Variants in ATP6V1H observed in about 807,000 individuals in gnomAD.
ATP6V1H encodes V-type proton ATPase subunit H.
Under a neutral mutation model 71.7 loss-of-function variants are expected in ATP6V1H, and 39 were observed. That is an observed-to-expected ratio of 0.54 (90% CI 0.42 to 0.71). The LOEUF is 0.71. ATP6V1H is among the 30% of genes least tolerant of loss of function. The pLI is 0.00. For missense variants in ATP6V1H, 509 were observed against 594.9 expected, an observed-to-expected ratio of 0.86 and a Z score of 1.50; for synonymous variants, 192 against 199.3, an observed-to-expected ratio of 0.96 and a Z score of 0.31.
intron 4 of ATP6V1H, among the ~76,000 whole-genome samples, chr8:53,819,547 CATAT>C (rs34645455): frequency 0.11 from 3,798 of 35,102 alleles, 251 homozygotes; most frequent in Non-Finnish European, 0.12. Context: ...AAAAAAAAAG[CATAT>C]ATATATATAT....
At chr8:53,820,312 A>C (rs1381426536) in intron 4 of ATP6V1H, among the ~76,000 whole-genome samples, 1 of 151,932 alleles carries the variant, frequency 6.6e-6, no homozygotes, top group Non-Finnish European at 1.5e-5. Flanking sequence ...GAAGAAGAAG[A>C]AGAAGCATCT....
rs747292891 is a variant in ATP6V1H at position 53,805,185 on chromosome 8, G to A, written c.580-3289C>T. Among the ~76,000 whole-genome samples, 8 of 152,288 alleles carry A rather than the reference G, an allele frequency of 5.3e-5. No individual in the cohort carries two copies. The East Asian group carries it at 5.8e-4, about 11-fold the overall frequency. ...AACTAAGTGAAAAAGAATAAAGACC[G>A]TATTCATCTACATTCTGGAATTATC... On this transcript the variant is annotated intron_variant, in intron 7 of 13. Coordinates refer to ENST00000359530, the MANE Select transcript of ATP6V1H (RefSeq NM_015941.4).
chr8:53,768,175 T>C (rs1366699499), intron 11 of ATP6V1H, among the ~76,000 whole-genome samples: 1 of 152,026 alleles, frequency 6.6e-6, no homozygotes, highest in Non-Finnish European at 1.5e-5. Flanking sequence ...AATAAGCACA[T>C]GAAAAGATGC....
chr8:53,807,491 T>C (rs1406576956), intron 7 of ATP6V1H, among the ~76,000 whole-genome samples: 1 of 152,128 alleles, frequency 6.6e-6, no homozygotes, highest in East Asian at 1.9e-4. Context: ...ATACTGTTAC[T>C]GCACACTAAA....
At chr8:53,781,960 G>T (rs1465833516) in intron 9 of ATP6V1H, among the ~76,000 whole-genome samples, 1 of 152,212 alleles carries the variant, frequency 6.6e-6, no homozygotes, top group East Asian at 1.9e-4. Flanking sequence ...AGTATAGTTT[G>T]AAGTCAGGTA....
In ATP6V1H at chr8:53,795,887, A is replaced by G. The variant is rs1052422337; in HGVS notation, c.678-48T>C. 3 of 1,514,240 alleles carry G rather than the reference A, an allele frequency of 2.0e-6. No homozygotes were observed. In the African/African-American group the frequency reaches 4.2e-5, roughly 21 times the overall value. 93.8% of individuals were successfully genotyped at this position (1,514,240 alleles called of 1,614,324 possible). A position where few individuals can be genotyped will look rare whatever the true frequency, so the allele number is the denominator to read the frequency against. On this transcript the variant is annotated intron_variant, in intron 8 of 13. Coordinates refer to ENST00000359530, the MANE Select transcript of ATP6V1H (RefSeq NM_015941.4). ...AAACACATTTACAAAACATTTAGAAAGAAGAAATAAGCAATTATTCTCTTT... is the reference window on the plus strand; with the variant it reads ...AAACACATTTACAAAACATTTAGAAGGAAGAAATAAGCAATTATTCTCTTT...
chr8:53,763,085 A>C (rs1808332629), intron 11 of ATP6V1H, among the ~76,000 whole-genome samples: 1 of 152,244 alleles, frequency 6.6e-6, no homozygotes, highest in African/African-American at 2.4e-5. Flanking sequence ...GTTTCTTATC[A>C]GTGAGGCTTC....
chr8:53,720,040 T>G (rs537594839), intron 13 of ATP6V1H, among the ~76,000 whole-genome samples: 1 of 152,224 alleles, frequency 6.6e-6, no homozygotes, highest in Admixed American at 6.5e-5. Flanking sequence ...GGAGATCTTT[T>G]GTGAATTAAT....
intron 12 of ATP6V1H, among the ~76,000 whole-genome samples, chr8:53,747,429 A>C (rs1298697900): frequency 6.6e-6 from 1 of 152,092 alleles, no homozygotes; most frequent in Non-Finnish European, 1.5e-5. Flanking sequence ...ATAATTTTGG[A>C]GAATATTTAT....
intron 2 of ATP6V1H, among the ~76,000 whole-genome samples, chr8:53,834,580 C>T (rs1811100252): frequency 6.6e-6 from 1 of 152,028 alleles, no homozygotes; most frequent in Admixed American, 6.6e-5. Flanking sequence ...CCCATGCCAC[C>T]ACGCCCAGCT....
chr8:53,731,122 C>T (rs1005023064), intron 13 of ATP6V1H, among the ~76,000 whole-genome samples: 1 of 152,120 alleles, frequency 6.6e-6, no homozygotes, highest in Non-Finnish European at 1.5e-5. Flanking sequence ...ACTCCCGACA[C>T]ACAGCAGGCT....
At chr8:53,817,786 C>T (rs1355225046) in intron 4 of ATP6V1H, among the ~76,000 whole-genome samples, 3 of 152,048 alleles carry the variant, frequency 2.0e-5, no homozygotes, top group South Asian at 4.2e-4. Flanking sequence ...TTACACTTCT[C>T]GGCCTGCACC....
At chr8:53,804,411 ACAC>A (rs1810012289) in intron 7 of ATP6V1H, among the ~76,000 whole-genome samples, 1 of 152,204 alleles carries the variant, frequency 6.6e-6, no homozygotes, top group Admixed American at 6.5e-5. Flanking sequence ...ACAGTGGCTC[ACAC>A]CTGTAACCCC....
At chr8:53,803,188 T>C (rs1809970812) in intron 7 of ATP6V1H, among the ~76,000 whole-genome samples, 1 of 151,936 alleles carries the variant, frequency 6.6e-6, no homozygotes, top group African/African-American at 2.4e-5. Flanking sequence ...AATACAAAAA[T>C]TAGCCAGGTG....
At chr8:53,724,315 T>C (rs1806728201) in intron 13 of ATP6V1H, among the ~76,000 whole-genome samples, 1 of 152,206 alleles carries the variant, frequency 6.6e-6, no homozygotes, top group Non-Finnish European at 1.5e-5. Flanking sequence ...TTATTTATAA[T>C]GTAGTACAGA....
chr8:53,765,356 C>T lies in ATP6V1H; in HGVS notation c.1175+4262G>A, dbSNP rs558404963. 1.3e-3 allele frequency among the ~76,000 whole-genome samples: 186 copies of T among 147,340 alleles called. 3 individuals carry two copies. Among genetic ancestry groups the T allele is most frequent in the African/African-American group, 4.4e-3 (176 of 39,848 alleles). ...CGGAGGCTGCAGTAAGCTGAAATTGCGCTATTGCACTCCAGCCTGGACAAC... is the reference window on the plus strand; with the variant it reads ...CGGAGGCTGCAGTAAGCTGAAATTGTGCTATTGCACTCCAGCCTGGACAAC... On this transcript the variant is annotated intron_variant, in intron 11 of 13. Transcript: ENST00000359530.
At chr8:53,836,479 C>T (rs1281130066) in intron 2 of ATP6V1H, among the ~76,000 whole-genome samples, 3 of 152,152 alleles carry the variant, frequency 2.0e-5, no homozygotes, top group South Asian at 2.1e-4. Flanking sequence ...CCAGCAGGTT[C>T]GGGGCTCTGG....
intron 9 of ATP6V1H, among the ~76,000 whole-genome samples, chr8:53,788,894 C>T (rs1809471585): frequency 6.6e-6 from 1 of 152,230 alleles, no homozygotes; most frequent in Non-Finnish European, 1.5e-5. Context: ...TGGCTCTACA[C>T]TTATGGTGAC....
chr8:53,840,539 C>T (rs1811312918), intron 2 of ATP6V1H, among the ~76,000 whole-genome samples: 2 of 151,754 alleles, frequency 1.3e-5, no homozygotes, highest in Admixed American at 6.6e-5. Context: ...TCTATTAATA[C>T]ATCTGACTTC....
Sources: gnomAD v4.1 joint callset for allele counts (sites outside exome capture counted in the v4.1 genomes callset) on GRCh38, gnomAD v4.1.1 for gene constraint, MANE v1.5 for transcripts, NCBI Gene and HGNC (gene_info 2026-07-23, HGNC 2026-07-21) for gene names.